The following ZFYVE9 variants were observed in gnomAD, a reference collection of about 807,000 sequenced individuals.
ZFYVE9 encodes the protein zinc finger FYVE-type containing 9.
A neutral mutation model predicts 126.7 loss-of-function variants in ZFYVE9; 43 were observed. That is an observed-to-expected ratio of 0.34 (90% confidence interval 0.27 to 0.44). ZFYVE9 has a LOEUF of 0.44. ZFYVE9 is among the 20% of genes least tolerant of loss of function. ZFYVE9 has a pLI of 1.00. For synonymous variants in ZFYVE9, 521 were observed against 597.4 expected (o/e 0.87, Z 1.87); for missense variants, 1,476 against 1,697.0 (o/e 0.87, Z 2.29).
chr1:52,226,038 G>A (rs571959731), intron 2 of ZFYVE9, among the ~76,000 whole-genome samples: 8 of 152,212 alleles, frequency 5.3e-5, no homozygotes, highest in South Asian at 2.1e-4. Flanking sequence ...TTGAGGAGGC[G>A]GTGTCTGATT....
chr1:52,284,457 T>C (rs1290171332), intron 10 of ZFYVE9, among the ~76,000 whole-genome samples: 1 of 151,938 alleles, frequency 6.6e-6, no homozygotes, highest in African/African-American at 2.4e-5. Context: ...TCTCGCTCTG[T>C]CACCCAGCCT....
rs1451512985 is a variant in ZFYVE9, at chr1:52,142,688, G to T, written c.-143+285G>T. Among the ~76,000 whole-genome samples, 1 of 152,156 alleles carries T rather than the reference G, an allele frequency of 6.6e-6. No homozygotes were observed. Reference sequence around the variant, plus strand: ...CCGGCAGGAGCACGGCCGCCTTTCGGGTTTGCATGGGCCCGGGCCGAGCGC... The same window carrying T: ...CCGGCAGGAGCACGGCCGCCTTTCGTGTTTGCATGGGCCCGGGCCGAGCGC... On this transcript the variant is annotated intron_variant, in intron 1 of 18. Transcript: ENST00000287727. The surrounding 1 kb of genome is among the most constrained non-coding windows in gnomAD (Gnocchi z 4.5).
intron 1 of ZFYVE9, among the ~76,000 whole-genome samples, chr1:52,168,211 C>CT (rs1553120991): frequency 7.3e-6 from 1 of 137,128 alleles, no homozygotes. Flanking sequence ...TCCTCTTCGT[C>CT]TTCTTTTTTT....
rs1644523385 is a variant in ZFYVE9, at chr1:52,167,367, T to A, written c.-143+24964T>A. On this transcript the variant is annotated intron_variant, in intron 1 of 18. Transcript: ENST00000287727. ...ATGATTTCAAGCACTTGATAGTGTT[T>A]CAGCAGTAGTCTTGGTAAGTGGACG... Among the ~76,000 whole-genome samples, 3 of 152,240 alleles carry A rather than the reference T, an allele frequency of 2.0e-5. No individual in the cohort carries two copies. In the South Asian group the frequency reaches 6.2e-4, roughly 32 times the overall value.
At chr1:52,176,070 C>T (rs117048952) in intron 1 of ZFYVE9, among the ~76,000 whole-genome samples, 160 of 152,338 alleles carry the variant, frequency 1.1e-3, no homozygotes, top group East Asian at 4.8e-3. Flanking sequence ...AGGAGAGACA[C>T]GCTGCTTTTT....
chr1:52,161,121 T>A (rs1003225585), intron 1 of ZFYVE9, among the ~76,000 whole-genome samples: 1 of 152,208 alleles, frequency 6.6e-6, no homozygotes, highest in Non-Finnish European at 1.5e-5. Context: ...CTATACTATA[T>A]GATAACCTGC....
rs1645350534 is a variant in ZFYVE9, at chr1:52,243,036, C to G, written c.2178+3441C>G. Among the ~76,000 whole-genome samples, 3 of 152,318 alleles carry G rather than the reference C, an allele frequency of 2.0e-5. No individual in the cohort carries two copies. The South Asian group carries it at 6.2e-4, about 32-fold the overall frequency. On this transcript the variant is annotated intron_variant, in intron 4 of 18. Transcript: ENST00000287727. ...GGCTGTAAAGATCTTGAGATTGCCT[C>G]TGATTTGTCTTTGTATCCAGCATCC...
In ZFYVE9 at chr1:52,281,680, G is replaced by C. The variant is rs764844728; in HGVS notation, c.2889G>C (p.Trp963Cys). The change falls in exon 10 of 19, where the codon TGG (tryptophan) becomes TGC (cysteine). Residue 963 changes from tryptophan (W) to cysteine (C), a missense_variant. Physicochemically the swap from Trp to Cys is radical, Grantham distance 215. Coordinates refer to ENST00000287727, the MANE Select transcript of ZFYVE9 (RefSeq NM_004799.4). ...CTGTAGATGTGAACAGGAAGTGCTGGTGTTTCACAACCAAGGGAATGCATG... is the reference window on the plus strand; with the variant it reads ...CTGTAGATGTGAACAGGAAGTGCTGCTGTTTCACAACCAAGGGAATGCATG... ...KIVNYVNRKC[W>C]CFTTKGMHAV... 6.2e-7 allele frequency: 1 copy of C among 1,614,042 alleles called. No individual in the cohort carries two copies. The highest frequency in any genetic ancestry group is 1.6e-4 in the Middle Eastern group (1 of 6,062).
intron 12 of ZFYVE9, among the ~76,000 whole-genome samples, chr1:52,302,151 T>G (rs1646041913): frequency 6.6e-6 from 1 of 152,224 alleles, no homozygotes. Context: ...TTGATTTTTT[T>G]TCCTTTATTT....
At chr1:52,181,996 G>A (rs930031604) in intron 1 of ZFYVE9, among the ~76,000 whole-genome samples, 2 of 151,736 alleles carry the variant, frequency 1.3e-5, no homozygotes, top group Admixed American at 6.6e-5. Context: ...CCGGAGGGAG[G>A]CGAGGGGGTC....
intron 1 of ZFYVE9, among the ~76,000 whole-genome samples, chr1:52,177,127 C>T (rs1454279146): frequency 4.6e-5 from 7 of 151,944 alleles, no homozygotes; most frequent in Non-Finnish European, 1.0e-4. Flanking sequence ...TCCTATTTGG[C>T]CATCTTGGCT....
intron 17 of ZFYVE9, among the ~76,000 whole-genome samples, chr1:52,343,843 G>A (rs2147879908): frequency 6.8e-6 from 1 of 148,034 alleles, no homozygotes; most frequent in African/African-American, 2.5e-5. Context: ...AGGCCGAGGT[G>A]GACAGATCAC....
At chr1:52,246,698 A>ATT (rs759969701) in intron 4 of ZFYVE9, among the ~76,000 whole-genome samples, 58 of 99,252 alleles carry the variant, frequency 5.8e-4, no homozygotes, top group Non-Finnish European at 8.4e-4. Flanking sequence ...CGTGTAACTA[A>ATT]TTTTTTTTTT....
chr1:52,280,141 C>G (rs780838680), intron 9 of ZFYVE9, among the ~76,000 whole-genome samples: 1 of 151,148 alleles, frequency 6.6e-6, no homozygotes, highest in African/African-American at 2.4e-5. Context: ...CTTTGGGAGG[C>G]CAAGGCAGAT....
At chr1:52,160,412 A>G (rs373227692) in intron 1 of ZFYVE9, 3 of 1,068,770 alleles carry the variant, frequency 2.8e-6, no homozygotes, top group Non-Finnish European at 1.5e-6. Context: ...GACACTTTCT[A>G]CATTCTTCCA....
intron 1 of ZFYVE9, among the ~76,000 whole-genome samples, chr1:52,213,462 G>A (rs1645045368): frequency 6.6e-6 from 1 of 151,918 alleles, no homozygotes; most frequent in Non-Finnish European, 1.5e-5. Flanking sequence ...ACCAGCCTGG[G>A]CAACATAGTG....
At chr1:52,252,640 G>A (rs1645461792) in intron 4 of ZFYVE9, 1 of 301,056 alleles carries the variant, frequency 3.3e-6, no homozygotes, top group Non-Finnish European at 6.9e-6. Context: ...TTACAGGCAT[G>A]AGCCACCACG....
At chr1:52,273,047 G>T (rs1289092195) in intron 7 of ZFYVE9, among the ~76,000 whole-genome samples, 1 of 151,896 alleles carries the variant, frequency 6.6e-6, no homozygotes. Context: ...TGTTCTTGTT[G>T]CCCAGGCGGA....
chr1:52,277,395 G>A (rs1325731306), intron 8 of ZFYVE9, among the ~76,000 whole-genome samples: 1 of 152,070 alleles, frequency 6.6e-6, no homozygotes, highest in Non-Finnish European at 1.5e-5. Flanking sequence ...AAATCTAATT[G>A]TCAAAACTTC....
Sources: gnomAD v4.1 joint callset for allele counts (sites outside exome capture counted in the v4.1 genomes callset) on GRCh38, gnomAD v4.1.1 for gene constraint, Gnocchi (gnomAD v3.1) non-coding constraint, MANE v1.5 for transcripts, NCBI Gene and HGNC (gene_info 2026-07-23, HGNC 2026-07-21) for gene names.